ATR: variants seen among roughly 807,000 people sequenced by gnomAD.
ATR encodes the protein ATR checkpoint kinase, also known as serine/threonine-protein kinase ATR.
ATR carries 142 observed loss-of-function variants against 305.3 expected under a neutral mutation model. The ratio of observed to expected loss-of-function variants is 0.47; its 90% CI spans 0.41 to 0.53. The LOEUF is 0.53. ATR is among the 20% of genes least tolerant of loss of function. The pLI is 0.00. For missense variants in ATR, 2,135 were observed against 3,133.1 expected (o/e 0.68, Z 7.60); for synonymous variants, 1,050 against 1,068.1 (o/e 0.98, Z 0.33).
At chr3:142,458,770 C>A (rs2070962287) in intron 44 of ATR, among the ~76,000 whole-genome samples, 188 bp downstream of exon 44, 2 of 152,124 alleles carry the variant, frequency 1.3e-5, no homozygotes, top group African/African-American at 4.8e-5. Flanking sequence ...CAGTATCACT[C>A]TTCTAAGTTC....
intron 27 of ATR, among the ~76,000 whole-genome samples, chr3:142,509,352 T>C (rs755989133): frequency 2.6e-5 from 4 of 151,798 alleles, no homozygotes; most frequent in African/African-American, 7.3e-5. Flanking sequence ...TTTGTAAAGA[T>C]GAAGTCTCAT....
chr3:142,529,774 A>C (rs950245930), intron 21 of ATR, among the ~76,000 whole-genome samples: 1 of 152,100 alleles, frequency 6.6e-6, no homozygotes, highest in Non-Finnish European at 1.5e-5. Flanking sequence ...GTACATTCCT[A>C]CTGAGAATTC....
chr3:142,461,751 TGGAAGGAA>T (rs577425835), intron 42 of ATR, among the ~76,000 whole-genome samples, 181 bp downstream of exon 42: 10 of 150,996 alleles, frequency 6.6e-5, no homozygotes, highest in African/African-American at 2.4e-4. Flanking sequence ...GGAATCAAAA[TGGAAGGAA>T]GGAAGGAAGG....
intron 24 of ATR, among the ~76,000 whole-genome samples, chr3:142,519,296 C>A (rs986510512): frequency 6.6e-6 from 1 of 151,436 alleles, no homozygotes; most frequent in Admixed American, 6.6e-5. Flanking sequence ...TATCAAAAAT[C>A]ACATTAATTT....
intron 21 of ATR, among the ~76,000 whole-genome samples, chr3:142,525,368 T>C (rs1368306767): frequency 6.6e-6 from 1 of 152,138 alleles, no homozygotes; most frequent in Non-Finnish European, 1.5e-5. Flanking sequence ...GGGAGTTTAC[T>C]AGCTATTTTT....
Position 142,538,637 on chromosome 3 carries a change from A to C in ATR, c.3582-12T>G, listed in dbSNP as rs751576572. On this transcript the variant is annotated splice_polypyrimidine_tract_variant and intron_variant, in intron 18 of 46. Coordinates refer to ENST00000350721, the MANE Select transcript of ATR (RefSeq NM_001184.4). ...AGCAGTCCCAAGCTCTATGTGAAAA[A>C]ACAAATAGAAATGAAGTCCAATTAC... The C allele has an allele frequency of 6.2e-7, 1 of 1,613,118 alleles. No individual in the cohort carries two copies. The highest frequency in any genetic ancestry group is 8.5e-7 in the Non-Finnish European group (1 of 1,179,404).
chr3:142,504,254 G>C (rs2032124770), intron 29 of ATR, among the ~76,000 whole-genome samples: 1 of 152,156 alleles, frequency 6.6e-6, no homozygotes, highest in Non-Finnish European at 1.5e-5. Context: ...GTGCAGGTGG[G>C]TGAGTAGGTG....
Position 142,519,728 on chromosome 3 carries a change from T to C in ATR, c.4323A>G (p.Gln1441=), listed in dbSNP as rs56100509. Residue 1441 remains glutamine, a synonymous_variant, in exon 24 of 47, where the codon CAA becomes CAG. Coordinates refer to ENST00000350721, the MANE Select transcript of ATR (RefSeq NM_001184.4). The part of the protein sequence containing the change: ...REMETNGPGH[Q]LWRRFPEHVR... ...CATGCTCAGGAAATCTCCTCCACAA[T>C]TGGTGACCTGGGCCGTTGGTCTCCA... 6.0e-4 allele frequency: 975 copies of C among 1,614,174 alleles called. No homozygotes were observed. The highest frequency in any genetic ancestry group is 7.6e-4 in the Non-Finnish European group (895 of 1,180,002).
chr3:142,515,581 A>C (rs753322198), intron 24 of ATR, 66 bp from the exon 25 acceptor site: 19 of 1,482,848 alleles, frequency 1.3e-5, no homozygotes, highest in Non-Finnish European at 1.6e-5. Flanking sequence ...AGTAAATTAC[A>C]GCAACTCCTT....
intron 2 of ATR, 69 bp downstream of exon 2, chr3:142,567,994 C>T: frequency 7.9e-7 from 1 of 1,261,494 alleles, no homozygotes; most frequent in Non-Finnish European, 1.1e-6. Context: ...GAAAATGCTA[C>T]TATAATTTAT....
intron 36 of ATR, among the ~76,000 whole-genome samples, chr3:142,473,397 T>G (rs577655761): frequency 6.6e-6 from 1 of 152,298 alleles, no homozygotes; most frequent in East Asian, 1.9e-4. Context: ...TTGTCAAAGA[T>G]CAATTGACTG....
chr3:142,540,515 T>C (rs1055275205), intron 18 of ATR, among the ~76,000 whole-genome samples: 2 of 152,166 alleles, frequency 1.3e-5, no homozygotes, highest in African/African-American at 4.8e-5. Context: ...TTCATGAAGG[T>C]TATTTTTTAA....
intron 37 of ATR, 116 bp from the exon 38 acceptor site, chr3:142,469,685 A>C: frequency 2.3e-6 from 2 of 868,446 alleles, no homozygotes; most frequent in South Asian, 3.1e-5. Flanking sequence ...TGTTATTCCC[A>C]TGCCCAAGGT....
At chr3:142,529,423 G>A (rs1303720397) in intron 21 of ATR, among the ~76,000 whole-genome samples, 4 of 151,902 alleles carry the variant, frequency 2.6e-5, no homozygotes, top group African/African-American at 9.7e-5. Context: ...TAAAAAAATT[G>A]CATTATTTCT....
chr3:142,498,959 C>A (rs2031802001), intron 31 of ATR, among the ~76,000 whole-genome samples, 185 bp from the exon 32 acceptor site: 1 of 151,894 alleles, frequency 6.6e-6, no homozygotes, highest in East Asian at 1.9e-4. Flanking sequence ...TAGCTCACTG[C>A]AGCCTTGAAC....
chr3:142,511,083 T>C (rs1429930614), intron 27 of ATR, among the ~76,000 whole-genome samples: 2 of 152,116 alleles, frequency 1.3e-5, no homozygotes, highest in South Asian at 4.1e-4. Flanking sequence ...AAATAGCTTC[T>C]CTTTAGGCCA....
At chr3:142,546,326 G>A (rs2034267429) in intron 16 of ATR, among the ~76,000 whole-genome samples, 1 of 152,086 alleles carries the variant, frequency 6.6e-6, no homozygotes. Flanking sequence ...GTTTTCTGTG[G>A]TTTGTAGTAC....
At chr3:142,514,807 C>CAACAA (rs2032786430) in intron 25 of ATR, among the ~76,000 whole-genome samples, 1 of 99,864 alleles carries the variant, frequency 1.0e-5, no homozygotes, top group Non-Finnish European at 1.9e-5. Context: ...GACTCCGTCA[C>CAACAA]AAAAAAAAAA....
intron 36 of ATR, among the ~76,000 whole-genome samples, chr3:142,480,087 C>T (rs966389843): frequency 1.3e-5 from 2 of 152,204 alleles, no homozygotes; most frequent in African/African-American, 2.4e-5. Flanking sequence ...TCTCTCAACT[C>T]GTCAAAGTCA....
Sources: allele counts gnomAD v4.1 joint callset (sites outside exome capture counted in the v4.1 genomes callset), GRCh38; gene constraint gnomAD v4.1.1; transcripts MANE v1.5; gene names NCBI Gene and HGNC (gene_info 2026-07-23, HGNC 2026-07-21).